Variants in DAB1 observed in about 807,000 individuals in gnomAD.
DAB1 encodes the protein disabled homolog 1.
A neutral mutation model predicts 64.6 loss-of-function variants in DAB1; 15 were observed. That is an observed-to-expected ratio of 0.23 (90% CI 0.16 to 0.36). The LOEUF is 0.36. Ranked by LOEUF, DAB1 falls within the 10% of genes least tolerant of loss-of-function variation. The pLI is 1.00. For missense variants in DAB1, 596 were observed against 706.7 expected (o/e 0.84, Z 1.78); for synonymous variants, 235 against 251.9 (o/e 0.93, Z 0.64).
intron 6 of DAB1, among the ~76,000 whole-genome samples, chr1:57,774,167 T>C (rs1427355535): frequency 2.0e-5 from 3 of 151,898 alleles, no homozygotes; most frequent in Non-Finnish European, 4.4e-5. Flanking sequence ...AATCTTAAAA[T>C]TTCAGCAATA....
At chr1:58,061,594 C>G (rs1648507418) in intron 5 of DAB1, among the ~76,000 whole-genome samples, 1 of 152,192 alleles carries the variant, frequency 6.6e-6, no homozygotes, top group Non-Finnish European at 1.5e-5. Flanking sequence ...TCTTAACTAA[C>G]TCTATCTGCA....
intron 3 of DAB1, among the ~76,000 whole-genome samples, chr1:58,499,491 TA>T (rs1313223085): frequency 1.3e-5 from 2 of 149,148 alleles, no homozygotes; most frequent in East Asian, 3.9e-4. Context: ...GATAGATAGA[TA>T]GATAGATAGA....
At chr1:57,009,060 C>T (rs1314822057) in intron 14 of DAB1, among the ~76,000 whole-genome samples, 2 of 152,184 alleles carry the variant, frequency 1.3e-5, no homozygotes, top group African/African-American at 4.8e-5. Context: ...GGGTTTAATA[C>T]ATTGATCTGC....
chr1:58,463,092 T>A (rs1482616149), intron 3 of DAB1, among the ~76,000 whole-genome samples: 3 of 152,226 alleles, frequency 2.0e-5, no homozygotes, highest in African/African-American at 7.2e-5. Context: ...ATGTCTCACA[T>A]ACGAAACAAG....
chr1:58,411,710 G>A (rs1461438555), intron 3 of DAB1, among the ~76,000 whole-genome samples: 1 of 152,178 alleles, frequency 6.6e-6, no homozygotes, highest in Non-Finnish European at 1.5e-5. Flanking sequence ...AGAGGGAAAG[G>A]AAGGGATATG....
At chr1:57,255,501 T>A (rs1275821771) in intron 2 of DAB1, among the ~76,000 whole-genome samples, 1 of 151,606 alleles carries the variant, frequency 6.6e-6, no homozygotes, top group Non-Finnish European at 1.5e-5. Flanking sequence ...GTACCAAAAA[T>A]ACAAAAAAAT....
rs72669834 is a variant in DAB1, at chr1:58,381,160, G to A, written n.258-37757C>T. Reference sequence around the variant, plus strand: ...AGCCTGTCTCAGGGGGAAAAGTGGGGAGAGAGAGCTTCAAGAAGAATAGCT... The same window carrying A: ...AGCCTGTCTCAGGGGGAAAAGTGGGAAGAGAGAGCTTCAAGAAGAATAGCT... On this transcript the variant is annotated intron_variant and non_coding_transcript_variant, in intron 3 of 20. Transcript: ENST00000485760. 1.9e-3 allele frequency among the ~76,000 whole-genome samples: 287 copies of A among 152,308 alleles called. 1 individual carries two copies. Among genetic ancestry groups the A allele is most frequent in the Non-Finnish European group, 3.3e-3 (225 of 68,016 alleles).
chr1:57,428,650 C>T (rs1267652371), upstream of DAB1, among the ~76,000 whole-genome samples: 2 of 152,170 alleles, frequency 1.3e-5, no homozygotes, highest in East Asian at 3.9e-4. Context: ...CCTTGAGATA[C>T]TAATTTTAAT....
chr1:58,447,614 T>C (rs1325372535), intron 3 of DAB1, among the ~76,000 whole-genome samples: 2 of 152,122 alleles, frequency 1.3e-5, no homozygotes, highest in Non-Finnish European at 2.9e-5. Flanking sequence ...AAACAAACGC[T>C]CGTCAGTGCT....
chr1:58,405,418 TTCAGTGATGTGA>T (rs1398946233), intron 3 of DAB1, among the ~76,000 whole-genome samples: 3 of 152,098 alleles, frequency 2.0e-5, no homozygotes, highest in Non-Finnish European at 4.4e-5. Context: ...CAGGCTGTAG[TTCAGTGATGTGA>T]TCTTGGCTCA....
At chr1:57,698,116 T>C (rs893966156) in intron 6 of DAB1, among the ~76,000 whole-genome samples, 1 of 151,908 alleles carries the variant, frequency 6.6e-6, no homozygotes, top group Non-Finnish European at 1.5e-5. Flanking sequence ...GACAGGGTCT[T>C]GTTCTGTCAC....
intron 4 of DAB1, among the ~76,000 whole-genome samples, chr1:58,165,897 TTA>T (rs1655805863): frequency 6.6e-6 from 1 of 152,222 alleles, no homozygotes; most frequent in African/African-American, 2.4e-5. Flanking sequence ...GTGGCCTCAT[TTA>T]ATTCTTTGTA....
intron 3 of DAB1, among the ~76,000 whole-genome samples, chr1:58,375,142 T>C (rs1338488423): frequency 1.3e-5 from 2 of 149,906 alleles, no homozygotes; most frequent in African/African-American, 5.0e-5. Context: ...ACAATTTGAC[T>C]TGCTCTTTTC....
chr1:58,277,160 C>T (rs1367850402), intron 4 of DAB1, among the ~76,000 whole-genome samples: 1 of 151,592 alleles, frequency 6.6e-6, no homozygotes, highest in Non-Finnish European at 1.5e-5. Context: ...TTGCCTCAGC[C>T]CCCTGAGTAG....
intron 1 of DAB1, among the ~76,000 whole-genome samples, chr1:57,879,721 C>T (rs2101968382): frequency 6.6e-6 from 1 of 152,238 alleles, no homozygotes; most frequent in Admixed American, 6.5e-5. Context: ...AGTGACTCCA[C>T]CTGGCTGACA....
chr1:57,707,536 T>C (rs1397510575), intron 6 of DAB1, among the ~76,000 whole-genome samples: 2 of 152,150 alleles, frequency 1.3e-5, no homozygotes, highest in African/African-American at 4.8e-5. Context: ...TGGGGATGAA[T>C]GCCCAGGAGT....
intron 6 of DAB1, among the ~76,000 whole-genome samples, chr1:57,674,691 C>T (rs1646545561): frequency 6.6e-6 from 1 of 152,176 alleles, no homozygotes; most frequent in Admixed American, 6.6e-5. Flanking sequence ...AACTGCTCCT[C>T]AGTCACCAAT....
intron 3 of DAB1, among the ~76,000 whole-genome samples, chr1:58,443,372 C>T (rs1645033708): frequency 6.6e-6 from 1 of 152,196 alleles, no homozygotes; most frequent in African/African-American, 2.4e-5. Flanking sequence ...AAAAATATCA[C>T]CTATAATTAC....
intron 3 of DAB1, among the ~76,000 whole-genome samples, chr1:58,406,559 A>G (rs758645304): frequency 3.1e-4 from 47 of 152,220 alleles, no homozygotes; most frequent in Non-Finnish European, 4.6e-4. Context: ...AGGATGGGAT[A>G]ATTGCACTAG....
Sources: allele counts gnomAD v4.1 joint callset (sites outside exome capture counted in the v4.1 genomes callset), GRCh38; gene constraint gnomAD v4.1.1; transcripts MANE v1.5; gene names NCBI Gene and HGNC (gene_info 2026-07-23, HGNC 2026-07-21).